The following ANKRD27 variants were observed in gnomAD, a reference collection of about 807,000 sequenced individuals.
The protein encoded by ANKRD27 is ankyrin repeat domain-containing protein 27.
A neutral mutation model predicts 129.7 loss-of-function variants in ANKRD27; 112 were observed. That is an observed-to-expected ratio of 0.86 (90% CI 0.74 to 1.01). The LOEUF is 1.01. Among genes scored for constraint, ANKRD27 ranks in the 50% least tolerant of loss-of-function variants. The pLI is 0.00. For missense variants in ANKRD27, 1,258 were observed against 1,300.5 expected (o/e 0.97, Z 0.50); for synonymous variants, 516 against 511.2 (o/e 1.01, Z -0.13).
At chr19:32,648,490 G>A (rs531053993) in intron 3 of ANKRD27, among the ~76,000 whole-genome samples, 3 of 152,350 alleles carry the variant, frequency 2.0e-5, no homozygotes, top group African/African-American at 7.2e-5. Context: ...AAAGGGCACA[G>A]TGCCTGCAAC....
chr19:32,667,629 C>T (rs1017249028), intron 1 of ANKRD27, among the ~76,000 whole-genome samples: 35 of 152,020 alleles, frequency 2.3e-4, no homozygotes, highest in South Asian at 4.2e-4. Flanking sequence ...CCGAGGTGGG[C>T]GGATCCAGCC....
Position 32,646,363 on chromosome 19 carries a change from C to A in ANKRD27, c.370+96G>T, listed in dbSNP as rs898607268. 51 of 1,311,244 alleles carry A rather than the reference C, an allele frequency of 3.9e-5. No homozygotes were observed. In the African/African-American group the frequency reaches 6.8e-4, roughly 17 times the overall value. The allele number at this position is 1,311,244 out of a possible 1,614,324, so 81.2% of individuals were successfully genotyped here. A position where few individuals can be genotyped will look rare whatever the true frequency, so the allele number is the denominator to read the frequency against. On this transcript the variant is annotated intron_variant, in intron 4 of 28. Transcript: ENST00000306065. Reference sequence around the variant, plus strand: ...GGATTACAGGCGCGAGCCACCATACCCGGCCTTGTTTAACCTTTCAACAGC... The same window carrying A: ...GGATTACAGGCGCGAGCCACCATACACGGCCTTGTTTAACCTTTCAACAGC...
intron 22 of ANKRD27, among the ~76,000 whole-genome samples, chr19:32,614,578 G>C (rs1226091351): frequency 6.6e-6 from 1 of 151,990 alleles, no homozygotes; most frequent in Non-Finnish European, 1.5e-5. Context: ...GGTGGTGGGT[G>C]CTATGGTCCC....
intron 1 of ANKRD27, among the ~76,000 whole-genome samples, chr19:32,670,973 G>C (rs984798193): frequency 6.6e-6 from 1 of 151,850 alleles, no homozygotes; most frequent in East Asian, 1.9e-4. Flanking sequence ...GTAACGGAGT[G>C]AGACTCCATT....
chr19:32,632,510 C>T (rs76799719), intron 12 of ANKRD27, among the ~76,000 whole-genome samples: 4 of 146,976 alleles, frequency 2.7e-5, no homozygotes, highest in South Asian at 2.2e-4. Flanking sequence ...ACTTGAACCC[C>T]GCAAGTGGAG....
chr19:32,661,903 G>T (rs1009845410), intron 1 of ANKRD27, among the ~76,000 whole-genome samples: 4 of 152,094 alleles, frequency 2.6e-5, no homozygotes, highest in African/African-American at 9.7e-5. Context: ...ACAATAATTG[G>T]ATTTGCCACT....
rs750299681 is a variant in ANKRD27 at position 32,628,105 on chromosome 19, A to AGGGGT, written c.1393_1397dup (p.Leu467ProfsTer25). ...TACCACAGACAGCAGCCACATGGAG[A>AGGGGT]GGGGTGTGCCCCCTGTCGTCTCTGG... On this transcript the variant is annotated frameshift_variant, in exon 15 of 29. Coordinates refer to ENST00000306065, the MANE Select transcript of ANKRD27 (RefSeq NM_032139.3). LOFTEE classifies it high-confidence loss of function. 1 of 1,614,210 alleles carries AGGGGT rather than the reference A, an allele frequency of 6.2e-7. No homozygotes were observed. Among genetic ancestry groups the AGGGGT allele is most frequent in the South Asian group, 1.1e-5 (1 of 91,092 alleles).
At chr19:32,633,382 G>A (rs1967034794) in intron 12 of ANKRD27, among the ~76,000 whole-genome samples, 1 of 146,098 alleles carries the variant, frequency 6.8e-6, no homozygotes, top group African/African-American at 2.5e-5. Context: ...TCCCAAGCTG[G>A]ACTGCAGTGG....
At position 32,605,870 on chromosome 19, in the gene ANKRD27, C is replaced by T. The variant is rs776538218; in HGVS notation, c.2458G>A (p.Gly820Ser). 33 of 1,613,878 alleles carry T rather than the reference C, an allele frequency of 2.0e-5. No homozygotes were observed. The highest frequency in any genetic ancestry group is 8.3e-5 in the Admixed American group (5 of 59,982). Residue 820 changes from glycine (G) to serine (S), a missense_variant, in exon 24 of 29, where the codon GGT becomes AGT. By Grantham distance (56) the Gly-to-Ser change is moderately conservative. Transcript: ENST00000306065. ...AGTGCCACAAGCTCGTGATGGCCACCGGAGCAGGCGTAAATGAGGGGCGTG... is the reference window on the plus strand; with the variant it reads ...AGTGCCACAAGCTCGTGATGGCCACTGGAGCAGGCGTAAATGAGGGGCGTG... ...GNTPLIYACS[G>S]GHHELVALLL...
At position 32,619,494 on chromosome 19, in the gene ANKRD27, C is replaced by T; in HGVS notation, c.1887G>A (p.Glu629=). ...GACCTGCTCAGCCCGGCTGACTTAC[C>T]TCGGACGACTTCTGCCTCCTCTCGA... ...LSFERRQKSS[E]APVQSPQRSV... is the part of the protein sequence containing the mutation. Residue 629 remains glutamate, a splice_region_variant and synonymous_variant, in exon 19 of 29, where the codon GAG becomes GAA. Coordinates refer to ENST00000306065, the MANE Select transcript of ANKRD27 (RefSeq NM_032139.3). 1.2e-6 allele frequency: 2 copies of T among 1,614,122 alleles called. No individual in the cohort carries two copies. Among genetic ancestry groups the T allele is most frequent in the Non-Finnish European group, 1.7e-6 (2 of 1,180,032 alleles).
chr19:32,663,314 T>G (rs552146384), intron 1 of ANKRD27, among the ~76,000 whole-genome samples: 1 of 152,238 alleles, frequency 6.6e-6, no homozygotes, highest in South Asian at 2.1e-4. Context: ...CCCACCCAAC[T>G]CACACAACGT....
rs1971595421 is a variant in ANKRD27, at chr19:32,598,084, T to A, written c.*61A>T. The stretch of plus-strand genomic sequence containing the variant: ...ATTTAGTTCTCAGATGTGTTCACGC[T>A]CAGCATCATCTTGTTGCATCCTTGC... On this transcript the variant is annotated 3_prime_UTR_variant, in exon 29 of 29. Coordinates refer to ENST00000306065, the MANE Select transcript of ANKRD27 (RefSeq NM_032139.3). 5 of 1,486,532 alleles carry A rather than the reference T, an allele frequency of 3.4e-6. No homozygotes were observed. The highest frequency in any genetic ancestry group is 4.7e-6 in the Non-Finnish European group (5 of 1,065,910). 92.1% of individuals were successfully genotyped at this position (1,486,532 alleles called of 1,614,324 possible).
intron 2 of ANKRD27, among the ~76,000 whole-genome samples, chr19:32,658,050 G>A (rs1193665004): frequency 6.6e-6 from 1 of 152,146 alleles, no homozygotes; most frequent in Non-Finnish European, 1.5e-5. Context: ...AGAACCTGAA[G>A]CCACACTCAG....
At chr19:32,660,025 A>T (rs193007018) in intron 1 of ANKRD27, among the ~76,000 whole-genome samples, 46 of 152,330 alleles carry the variant, frequency 3.0e-4, no homozygotes, top group African/African-American at 9.6e-4. Context: ...TCGGGAGGCT[A>T]AGGCAGGAGG....
intron 14 of ANKRD27, 105 bp from the exon 15 acceptor site, chr19:32,628,270 G>A (rs1277261417): frequency 1.1e-6 from 1 of 885,068 alleles, no homozygotes; most frequent in African/African-American, 1.7e-5. Context: ...GCGGCTCACA[G>A]GATGCCACCC....
intron 17 of ANKRD27, among the ~76,000 whole-genome samples, chr19:32,623,967 C>A (rs73571613): frequency 6.6e-6 from 1 of 152,022 alleles, no homozygotes; most frequent in Non-Finnish European, 1.5e-5. Flanking sequence ...GCTGTGAGTG[C>A]GACTATATGC....
At chr19:32,600,187 A>C in intron 26 of ANKRD27, 137 bp from the exon 27 acceptor site, 2 of 652,718 alleles carry the variant, frequency 3.1e-6, no homozygotes, top group Non-Finnish European at 5.3e-6. Context: ...TGCTTAAAGA[A>C]ACACAGCTAG....
chr19:32,599,051 G>A (rs1052498394), intron 28 of ANKRD27, among the ~76,000 whole-genome samples: 4 of 152,230 alleles, frequency 2.6e-5, no homozygotes, highest in Non-Finnish European at 4.4e-5. Context: ...AGGCCAAAGC[G>A]GGCAGATCAC....
intron 2 of ANKRD27, among the ~76,000 whole-genome samples, chr19:32,651,245 A>G (rs1967410267): frequency 1.3e-5 from 2 of 152,152 alleles, no homozygotes. Flanking sequence ...CTAAAGAGCC[A>G]GTCCTCGGGT....
Sources: allele counts gnomAD v4.1 joint callset (sites outside exome capture counted in the v4.1 genomes callset), GRCh38; gene constraint gnomAD v4.1.1; transcripts MANE v1.5; gene names NCBI Gene and HGNC (gene_info 2026-07-23, HGNC 2026-07-21).